GPC5: variants seen among roughly 807,000 people sequenced by gnomAD.
GPC5 encodes the protein glypican-5.
Under a neutral mutation model 53.9 loss-of-function variants are expected in GPC5, and 47 were observed. The ratio of observed to expected loss-of-function variants is 0.87; its 90% CI spans 0.69 to 1.11. The LOEUF is 1.11. GPC5 is among the 50% of genes most tolerant of loss of function. The pLI is 0.00. For missense variants in GPC5, 748 were observed against 713.1 expected, an observed-to-expected ratio of 1.05 and a Z score of -0.56; for synonymous variants, 286 against 263.3, an observed-to-expected ratio of 1.09 and a Z score of -0.84.
intron 5 of GPC5, among the ~76,000 whole-genome samples, chr13:91,818,065 A>G (rs1385616850): frequency 1.3e-5 from 2 of 152,202 alleles, no homozygotes; most frequent in African/African-American, 4.8e-5. Context: ...ACTGGAATAA[A>G]TTGTTGGGAT....
At chr13:91,642,713 C>CTTTT (rs71113755) in intron 2 of GPC5, among the ~76,000 whole-genome samples, 2 of 143,306 alleles carry the variant, frequency 1.4e-5, no homozygotes, top group Admixed American at 7.0e-5. Flanking sequence ...TAAGGAAGAG[C>CTTTT]TTTTTTTTTT....
At chr13:92,422,894 AT>A (rs1876643674) in intron 7 of GPC5, among the ~76,000 whole-genome samples, 1 of 152,226 alleles carries the variant, frequency 6.6e-6, no homozygotes, top group Admixed American at 6.5e-5. Flanking sequence ...ACCTACTTCT[AT>A]TTTGAGAATT....
chr13:91,924,541 A>G (rs112622454), intron 6 of GPC5, among the ~76,000 whole-genome samples: 10,292 of 152,042 alleles, frequency 0.068, 498 homozygotes, highest in African/African-American at 0.13. Flanking sequence ...CCTGGGCAAC[A>G]TGGTGAAAAC....
chr13:91,899,393 A>G (rs746077408), intron 5 of GPC5, among the ~76,000 whole-genome samples: 4 of 152,208 alleles, frequency 2.6e-5, no homozygotes, highest in Non-Finnish European at 5.9e-5. Flanking sequence ...CTACAATTTA[A>G]GAGGTGTACT....
At chr13:91,743,317 G>A (rs200730303) in intron 4 of GPC5, among the ~76,000 whole-genome samples, 3 of 152,214 alleles carry the variant, frequency 2.0e-5, no homozygotes, top group East Asian at 1.9e-4. Flanking sequence ...TGATTTTATA[G>A]GAGTGTATAA....
chr13:91,479,663 A>G (rs1883197989), intron 2 of GPC5, among the ~76,000 whole-genome samples: 1 of 152,210 alleles, frequency 6.6e-6, no homozygotes, highest in African/African-American at 2.4e-5. Flanking sequence ...TAGGAAATTA[A>G]TAAGTTCCCA....
chr13:92,082,235 T>C (rs1291389031), intron 6 of GPC5, among the ~76,000 whole-genome samples: 1 of 152,170 alleles, frequency 6.6e-6, no homozygotes, highest in Non-Finnish European at 1.5e-5. Flanking sequence ...TCTTCAACAA[T>C]ATTTTTGTAT....
intron 7 of GPC5, among the ~76,000 whole-genome samples, chr13:92,298,335 T>G (rs80042475): frequency 0.011 from 1,621 of 152,262 alleles, 27 homozygotes; most frequent in Middle Eastern, 0.048. Flanking sequence ...CCAAGTTCTG[T>G]TCAGGAGGCT....
intron 5 of GPC5, among the ~76,000 whole-genome samples, chr13:91,816,878 G>A (rs554731691): frequency 6.6e-6 from 1 of 152,114 alleles, no homozygotes; most frequent in South Asian, 2.1e-4. Flanking sequence ...TTGGTAAATT[G>A]ATTAACCTGG....
intron 7 of GPC5, among the ~76,000 whole-genome samples, chr13:92,743,886 T>G (rs1889174091): frequency 6.6e-6 from 1 of 152,160 alleles, no homozygotes; most frequent in South Asian, 2.1e-4. Flanking sequence ...CTGGATTACG[T>G]TTATTGATTT....
At chr13:92,503,938 G>C (rs1880277727) in intron 7 of GPC5, among the ~76,000 whole-genome samples, 1 of 151,862 alleles carries the variant, frequency 6.6e-6, no homozygotes, top group Non-Finnish European at 1.5e-5. Context: ...TTAAAGAAGA[G>C]TTATTTTGTA....
At chr13:91,885,157 C>A (rs1362741343) in intron 5 of GPC5, among the ~76,000 whole-genome samples, 1 of 151,938 alleles carries the variant, frequency 6.6e-6, no homozygotes, top group Non-Finnish European at 1.5e-5. Flanking sequence ...TAATATGTAC[C>A]CATATGCCTT....
chr13:92,617,237 T>G (rs1202984365), intron 7 of GPC5, among the ~76,000 whole-genome samples: 2 of 152,202 alleles, frequency 1.3e-5, no homozygotes, highest in African/African-American at 4.8e-5. Flanking sequence ...TGTAACGTCT[T>G]CTACCTGATC....
chr13:91,523,481 C>T (rs1173128956), intron 2 of GPC5, among the ~76,000 whole-genome samples: 1 of 152,096 alleles, frequency 6.6e-6, no homozygotes, highest in African/African-American at 2.4e-5. Context: ...CACGGAGAGA[C>T]AAATACTGCA....
At chr13:92,597,231 C>T (rs61975865) in intron 7 of GPC5, among the ~76,000 whole-genome samples, 38,665 of 151,310 alleles carry the variant, frequency 0.26, 5,068 homozygotes, top group Non-Finnish European at 0.28. Context: ...TCCACATCCT[C>T]ATCTTCTGGA....
intron 7 of GPC5, among the ~76,000 whole-genome samples, chr13:92,402,295 TTTA>T (rs1875593793): frequency 6.6e-6 from 1 of 152,192 alleles, no homozygotes; most frequent in African/African-American, 2.4e-5. Flanking sequence ...ACACCTGAAT[TTTA>T]TTGTTTTCAA....
intron 6 of GPC5, among the ~76,000 whole-genome samples, chr13:92,022,247 C>G: frequency 6.6e-6 from 1 of 152,248 alleles, no homozygotes; most frequent in South Asian, 2.1e-4. Flanking sequence ...GTGATACACC[C>G]GCCTTGGCAT....
At chr13:91,976,975 G>A (rs1363471968) in intron 6 of GPC5, among the ~76,000 whole-genome samples, 2 of 151,898 alleles carry the variant, frequency 1.3e-5, no homozygotes, top group Non-Finnish European at 1.5e-5. Flanking sequence ...GGAGATGGAG[G>A]TTTCAGTGAA....
intron 7 of GPC5, among the ~76,000 whole-genome samples, chr13:92,256,769 C>T (rs2042729184): frequency 6.6e-6 from 1 of 151,362 alleles, no homozygotes; most frequent in African/African-American, 2.4e-5. Flanking sequence ...AAAAAAAAAA[C>T]ACATTCCCAT....
Sources: allele counts gnomAD v4.1 joint callset (sites outside exome capture counted in the v4.1 genomes callset), GRCh38; gene constraint gnomAD v4.1.1; transcripts MANE v1.5; gene names NCBI Gene and HGNC (gene_info 2026-07-23, HGNC 2026-07-21).